ACSF3: variants seen among roughly 807,000 people sequenced by gnomAD.
The protein encoded by ACSF3 is malonate--CoA ligase ACSF3, mitochondrial.
In ACSF3, 78 loss-of-function variants were observed where a neutral mutation model predicts 53.2. The ratio of observed to expected loss-of-function variants is 1.47; its 90% CI spans 1.22 to 1.77. The LOEUF (loss-of-function observed/expected upper bound fraction) is 1.77. Among genes scored for constraint, ACSF3 ranks in the 40% most tolerant of loss-of-function variants. The pLI, the probability that ACSF3 is intolerant of heterozygous loss-of-function variation, is 0.00. For synonymous variants in ACSF3, 414 were observed against 333.1 expected, an observed-to-expected ratio of 1.24 and a Z score of -2.65; for missense variants, 937 against 771.1, an observed-to-expected ratio of 1.22 and a Z score of -2.55.
intron 8 of ACSF3, among the ~76,000 whole-genome samples, chr16:89,133,764 C>T (rs546011334): frequency 1.7e-4 from 26 of 152,354 alleles, no homozygotes; most frequent in Admixed American, 1.4e-3. Context: ...GTTTGCAGTG[C>T]GGCTGTTTGT....
At chr16:89,144,910 C>T (rs767175898) in intron 8 of ACSF3, among the ~76,000 whole-genome samples, 46 of 152,230 alleles carry the variant, frequency 3.0e-4, no homozygotes, top group Non-Finnish European at 6.2e-4. Flanking sequence ...GTCTGCAGAC[C>T]ACAGGCCCAG....
At chr16:89,098,887 T>C (rs1974933050) in intron 2 of ACSF3, 124 bp downstream of exon 2, 1 of 418,906 alleles carries the variant, frequency 2.4e-6, no homozygotes, top group African/African-American at 2.0e-5. Context: ...TATGTGTGTA[T>C]TAGACGGTAG....
intron 7 of ACSF3, chr16:89,122,614 C>G (rs1906930542): frequency 8.5e-6 from 2 of 235,896 alleles, no homozygotes; most frequent in South Asian, 8.6e-5. Flanking sequence ...GGGACACCAT[C>G]TAGTCAGAAA....
rs1340038409 is a variant in ACSF3, at chr16:89,093,891, G to GCGGGACCCGGC, written c.-295_-285dup. On this transcript the variant is annotated 5_prime_UTR_variant, in exon 1 of 11. Transcript: ENST00000614302. ...CTGGTCCGGCCCGACTCACGACCCC[G>GCGGGACCCGGC]CGGGACCCGGCCGGAACCCGGCCCG... 115 of 324,074 alleles carry GCGGGACCCGGC rather than the reference G, an allele frequency of 3.5e-4. No homozygotes were observed. Among genetic ancestry groups the GCGGGACCCGGC allele is most frequent in the Admixed American group, 7.1e-4 (22 of 30,846 alleles). 20.1% of individuals were successfully genotyped at this position (324,074 alleles called of 1,614,324 possible).
rs868310752 is a variant in ACSF3 at position 89,133,007 on chromosome 16, G to T, written c.1240-129G>T. ...CGTTTTCCAAGCATTCCAACAAAGC[G>T]CTCAGTTTCAGAAAGCACGCGGCCC... On this transcript the variant is annotated intron_variant, in intron 7 of 10. Coordinates refer to ENST00000614302, the MANE Select transcript of ACSF3 (RefSeq NM_001243279.3). 2.2e-6 allele frequency: 3 copies of T among 1,342,434 alleles called. No homozygotes were observed. In the South Asian group the frequency reaches 3.5e-5, roughly 16 times the overall value. The allele number at this position is 1,342,434 out of a possible 1,614,324, so 83.2% of individuals were successfully genotyped here.
intron 1 of ACSF3, among the ~76,000 whole-genome samples, chr16:89,097,421 C>T (rs112196155): frequency 0.04 from 6,168 of 152,298 alleles, 179 homozygotes; most frequent in East Asian, 0.13. Context: ...AAGCACCGTC[C>T]CCTGCTCCGA....
chr16:89,108,016 A>G (rs372981446), intron 4 of ACSF3, among the ~76,000 whole-genome samples: 1 of 152,254 alleles, frequency 6.6e-6, no homozygotes, highest in Non-Finnish European at 1.5e-5. Flanking sequence ...CACTTCTTAC[A>G]TGGCGGTGGC....
chr16:89,102,481 C>A lies in ACSF3; in HGVS notation c.667-123C>A, dbSNP rs1018421597. The A allele has an allele frequency of 6.1e-6, 7 of 1,156,892 alleles. No individual in the cohort carries two copies. In the African/African-American group the frequency reaches 7.6e-5, roughly 12 times the overall value. 71.7% of individuals were successfully genotyped at this position (1,156,892 alleles called of 1,614,324 possible). A position where few individuals can be genotyped will look rare whatever the true frequency, so the allele number is the denominator to read the frequency against. ...CTAAAGGGGAGCAACAAAGAGCCAG[C>A]CTTCTCCTTCCCCTTCCTCAGTGGG... On this transcript the variant is annotated intron_variant, in intron 3 of 10. Coordinates refer to ENST00000614302, the MANE Select transcript of ACSF3 (RefSeq NM_001243279.3).
chr16:89,149,073 C>G (rs571954517), intron 10 of ACSF3: 1 of 152,348 alleles, frequency 6.6e-6, no homozygotes, highest in South Asian at 2.1e-4. Context: ...CAGGTCATCT[C>G]TTTGCTCATG....
At chr16:89,145,793 G>A (rs1341535046) in intron 9 of ACSF3, 145 bp from the exon 10 acceptor site, 2 of 797,034 alleles carry the variant, frequency 2.5e-6, no homozygotes, top group East Asian at 2.5e-5. Flanking sequence ...GCCAGCACCA[G>A]GACGAGTGAT....
intron 7 of ACSF3, among the ~76,000 whole-genome samples, chr16:89,121,944 C>T (rs557007247): frequency 6.6e-6 from 1 of 152,258 alleles, no homozygotes; most frequent in South Asian, 2.1e-4. Context: ...GCAGTGGCCG[C>T]ACCTTGTGTG....
At chr16:89,100,231 G>C (rs1293292256) in intron 2 of ACSF3, among the ~76,000 whole-genome samples, 1 of 152,260 alleles carries the variant, frequency 6.6e-6, no homozygotes, top group African/African-American at 2.4e-5. Flanking sequence ...TGCCCCGGGG[G>C]CGGGGTCTCC....
rs984675727 is a variant in ACSF3 at position 89,145,083 on chromosome 16, G to A, written c.1367-184G>A. The stretch of plus-strand genomic sequence containing the variant: ...CTTGGGACGCACGTCGTGACCACCA[G>A]GAATGTGGGCTTACCTGGCATAGCT... On this transcript the variant is annotated intron_variant, in intron 8 of 10. Coordinates refer to ENST00000614302, the MANE Select transcript of ACSF3 (RefSeq NM_001243279.3). The A allele has an allele frequency of 3.9e-6, 6 of 1,527,236 alleles. No homozygotes were observed. The African/African-American group carries it at 6.9e-5, about 17-fold the overall frequency. The allele number at this position is 1,527,236 out of a possible 1,614,324, so 94.6% of individuals were successfully genotyped here. A position where few individuals can be genotyped will look rare whatever the true frequency, so the allele number is the denominator to read the frequency against.
intron 8 of ACSF3, among the ~76,000 whole-genome samples, chr16:89,143,701 C>A (rs761154251): frequency 2.0e-5 from 3 of 152,188 alleles, no homozygotes; most frequent in Non-Finnish European, 4.4e-5. Context: ...GCCCAGACTA[C>A]CCCAGGGGCG....
intron 4 of ACSF3, among the ~76,000 whole-genome samples, chr16:89,105,840 G>T (rs1975913799): frequency 6.6e-6 from 1 of 152,230 alleles, no homozygotes; most frequent in East Asian, 1.9e-4. Flanking sequence ...CGGAGGGCAG[G>T]TTGGTTCCAT....
intron 8 of ACSF3, among the ~76,000 whole-genome samples, chr16:89,144,645 C>G (rs2151560301): frequency 6.6e-6 from 1 of 152,324 alleles, no homozygotes; most frequent in East Asian, 1.9e-4. Context: ...GGGCCTCGGC[C>G]CCTCTCCCAG....
At chr16:89,097,096 A>G (rs1405807729) in intron 1 of ACSF3, among the ~76,000 whole-genome samples, 1 of 152,234 alleles carries the variant, frequency 6.6e-6, no homozygotes, top group East Asian at 1.9e-4. Flanking sequence ...GGGGTGACTC[A>G]GGAATTTGTA....
At position 89,146,013 on chromosome 16, in the gene ACSF3, A is replaced by G; in HGVS notation, c.1577A>G (p.His526Arg). Residue 526 changes from histidine (H) to arginine (R), a missense_variant, in exon 10 of 11, where the codon CAC (histidine) becomes CGC (arginine). Transcript: ENST00000614302. ...GCTGTGGTGACCCTCCGAGAAGGAC[A>G]CTCACTGTCCCACAGGGAGCTCAAA... ...VTAVVTLREG[H>R]SLSHRELKEW... is the part of the protein sequence containing the mutation. The G allele has an allele frequency of 1.3e-6, 2 of 1,589,456 alleles. No individual in the cohort carries two copies. The highest frequency in any genetic ancestry group is 1.7e-6 in the Non-Finnish European group (2 of 1,167,954).
intron 8 of ACSF3, among the ~76,000 whole-genome samples, chr16:89,135,555 G>C (rs538877681): frequency 2.3e-4 from 35 of 152,382 alleles, no homozygotes; most frequent in Admixed American, 4.6e-4. Context: ...AAGCCTCTCT[G>C]TGACAGGACG....
Sources: gnomAD v4.1 joint callset for allele counts (sites outside exome capture counted in the v4.1 genomes callset) on GRCh38, gnomAD v4.1.1 for gene constraint, MANE v1.5 for transcripts, NCBI Gene and HGNC (gene_info 2026-07-23, HGNC 2026-07-21) for gene names.